ABCB7: variants seen among roughly 807,000 people sequenced by gnomAD.
ABCB7 encodes ATP binding cassette subfamily B member 7.
Under a neutral mutation model 54.4 loss-of-function variants are expected in ABCB7, and 7 were observed. The ratio of observed to expected loss-of-function variants is 0.13; its 90% CI spans 0.07 to 0.24. ABCB7 has a LOEUF of 0.24. ABCB7 is among the 10% of genes least tolerant of loss of function. ABCB7 has a pLI of 1.00. For synonymous variants in ABCB7, 218 were observed against 207.1 expected, an observed-to-expected ratio of 1.05 and a Z score of -0.45; for missense variants, 356 against 570.4, an observed-to-expected ratio of 0.62 and a Z score of 3.83.
chrX:75,076,405 CAACA>C (rs2081409237), intron 5 of ABCB7, 113 bp downstream of exon 5: 2 of 959,146 alleles, frequency 2.1e-6, no homozygotes, highest in Middle Eastern at 2.7e-4. Flanking sequence ...TCACATAAAA[CAACA>C]AACATCCAAA....
Position 75,060,406 on chromosome X carries a change from C to G in ABCB7, c.1936-76G>C, listed in dbSNP as rs145497613. 717 of 801,198 alleles carry G rather than the reference C, an allele frequency of 8.9e-4. 2 individuals are homozygous for G. The African/African-American group carries it at 0.013, about 15-fold the overall frequency. 66.0% of individuals were successfully genotyped at this position (801,198 alleles called of 1,213,427 possible). A position where few individuals can be genotyped will look rare whatever the true frequency, so the allele number is the denominator to read the frequency against. ...TTAGGCAAATGTAAATTAAAATAAT[C>G]ATACATTTCCTAAAGGAACATAAAA... On this transcript the variant is annotated intron_variant, in intron 14 of 15. Transcript: ENST00000373394.
In ABCB7 at chrX:75,114,832, C is replaced by A; in HGVS notation, c.169-1G>T. On this transcript the variant is annotated splice_acceptor_variant, in intron 1 of 15. Coordinates refer to ENST00000373394, the MANE Select transcript of ABCB7 (RefSeq NM_001271696.3). LOFTEE classifies it high-confidence loss of function. ...TGATACTTTTTAATGACTCTGGAAT[C>A]TGCTGACAAGGAAAAAAAGTAGGGG... The A allele has an allele frequency of 1.7e-6, 2 of 1,194,232 alleles. No homozygotes were observed. Among genetic ancestry groups the A allele is most frequent in the Non-Finnish European group, 1.1e-6 (1 of 883,492 alleles).
chrX:75,099,388 C>CA (rs1249038387), intron 3 of ABCB7, among the ~76,000 whole-genome samples: 1 of 110,846 alleles, frequency 9.0e-6, no homozygotes, highest in Non-Finnish European at 1.9e-5. Flanking sequence ...ACAGAAAATT[C>CA]AAAAAAAATT....
intron 1 of ABCB7, among the ~76,000 whole-genome samples, chrX:75,134,237 C>A (rs2081994096): frequency 9.0e-6 from 1 of 111,589 alleles, no homozygotes; most frequent in African/African-American, 3.3e-5. Context: ...CAAAGAAGGG[C>A]ATTACATAAT....
intron 1 of ABCB7, among the ~76,000 whole-genome samples, chrX:75,118,316 C>T (rs1346390008): frequency 9.0e-6 from 1 of 111,201 alleles, no homozygotes; most frequent in Non-Finnish European, 1.9e-5. Context: ...TTTCTCTGAG[C>T]ACCTGTGAAG....
At chrX:75,071,396 G>A (rs1268323050) in intron 9 of ABCB7, 113 bp downstream of exon 9, 29 of 870,695 alleles carry the variant, frequency 3.3e-5, no homozygotes, top group Non-Finnish European at 4.4e-5. Flanking sequence ...CTCCAAGGAT[G>A]TGAAAGCACT....
intron 15 of ABCB7, among the ~76,000 whole-genome samples, chrX:75,057,073 C>T (rs1276679317): frequency 9.0e-6 from 1 of 111,292 alleles, no homozygotes; most frequent in Non-Finnish European, 1.9e-5. Context: ...TTTCCCCATC[C>T]TTGTTGATTT....
At chrX:75,064,549 A>T (rs1202983900) in intron 13 of ABCB7, among the ~76,000 whole-genome samples, 2 of 111,510 alleles carry the variant, frequency 1.8e-5, no homozygotes, top group Non-Finnish European at 3.8e-5. Flanking sequence ...ATAAGCCTCA[A>T]AATATCCTTG....
chrX:75,112,921 C>T lies in ABCB7; in HGVS notation c.298G>A (p.Ala100Thr), dbSNP rs1268362706. 1.7e-6 allele frequency: 2 copies of T among 1,210,996 alleles called. No homozygotes were observed. The highest frequency in any genetic ancestry group is 4.4e-5 in the Admixed American group (2 of 45,977). ...IEKRTCWHGH[A>T]GGGLHTDPKE... ...GGGTCTGTGTGGAGTCCTCCTCCTGCATGACCATGCCAACATGTCCTCTTT... is the reference window on the plus strand; with the variant it reads ...GGGTCTGTGTGGAGTCCTCCTCCTGTATGACCATGCCAACATGTCCTCTTT... Residue 100 changes from alanine to threonine, a missense_variant, in exon 3 of 16, where the codon GCA becomes ACA. By Grantham distance (58) the Ala-to-Thr change is moderately conservative. Coordinates refer to ENST00000373394, the MANE Select transcript of ABCB7 (RefSeq NM_001271696.3).
chrX:75,122,360 G>T (rs1379443436), intron 1 of ABCB7, among the ~76,000 whole-genome samples: 3 of 107,702 alleles, frequency 2.8e-5, no homozygotes, highest in Admixed American at 1.0e-4. Flanking sequence ...AAAAGGGGAG[G>T]TGTGAATAAT....
At chrX:75,055,980 C>T (rs1319084778) in intron 15 of ABCB7, among the ~76,000 whole-genome samples, 1 of 110,652 alleles carries the variant, frequency 9.0e-6, no homozygotes, top group East Asian at 2.8e-4. Flanking sequence ...AGCCACCATG[C>T]CCAGCCCAAG....
intron 1 of ABCB7, among the ~76,000 whole-genome samples, chrX:75,125,349 A>AT (rs756066065): frequency 3.6e-5 from 4 of 112,044 alleles, no homozygotes; most frequent in Non-Finnish European, 7.5e-5. Context: ...AATGATATCT[A>AT]ATGAATTCCT....
At position 75,129,621 on chromosome X, in the gene ABCB7, A is replaced by T. The variant is rs5937954; in HGVS notation, c.169-14790T>A. On this transcript the variant is annotated intron_variant, in intron 1 of 15. Coordinates refer to ENST00000373394, the MANE Select transcript of ABCB7 (RefSeq NM_001271696.3). The stretch of plus-strand genomic sequence containing the variant: ...AAATATATATAATATATATATATAT[A>T]TTTTGACTACCTTCCCACCATCATC... 9.3e-3 allele frequency among the ~76,000 whole-genome samples: 995 copies of T among 106,999 alleles called. 13 individuals carry two copies. Among genetic ancestry groups the T allele is most frequent in the Non-Finnish European group, 0.016 (812 of 52,161 alleles). The allele number at this position is 106,999 out of a possible 115,157, so 92.9% of individuals were successfully genotyped here. A position where few individuals can be genotyped will look rare whatever the true frequency, so the allele number is the denominator to read the frequency against.
intron 8 of ABCB7, 145 bp downstream of exon 8, chrX:75,073,544 C>A: frequency 1.9e-6 from 1 of 513,741 alleles, no homozygotes; most frequent in Non-Finnish European, 3.4e-6. Context: ...TTTCTAAAGA[C>A]AAACAATAAA....
Position 75,068,995 on chromosome X carries a change from GT to G in ABCB7, c.1659+11del. 1 of 1,209,333 alleles carries G rather than the reference GT, an allele frequency of 8.3e-7. No homozygotes were observed. Among genetic ancestry groups the G allele is most frequent in the East Asian group, 3.0e-5 (1 of 33,782 alleles). On this transcript the variant is annotated intron_variant, in intron 12 of 15. Transcript: ENST00000373394. Reference sequence around the variant, plus strand: ...ATCCTCCAAAAATTTGTTTTTTTCTGTTTTTAAATACCTGAGGTACCACTCC... The same window carrying G: ...ATCCTCCAAAAATTTGTTTTTTTCTGTTTTAAATACCTGAGGTACCACTCC...
At chrX:75,138,390 T>C (rs766926455) in intron 1 of ABCB7, among the ~76,000 whole-genome samples, 1 of 112,410 alleles carries the variant, frequency 8.9e-6, no homozygotes, top group Non-Finnish European at 1.9e-5. Flanking sequence ...GGCAACTGTA[T>C]TGTTCAATCT....
intron 1 of ABCB7, among the ~76,000 whole-genome samples, chrX:75,154,126 T>C (rs1315264317): frequency 9.0e-6 from 1 of 111,255 alleles, no homozygotes; most frequent in Admixed American, 9.6e-5. Context: ...AAGAGTTCCA[T>C]GCCTTTAAGA....
At chrX:75,145,125 C>T (rs972833306) in intron 1 of ABCB7, among the ~76,000 whole-genome samples, 2 of 110,625 alleles carry the variant, frequency 1.8e-5, no homozygotes, top group Admixed American at 1.9e-4. Flanking sequence ...AAGCCCACGA[C>T]GAGACAGATT....
rs1276075054 is a variant in ABCB7 at position 75,051,963 on chromosome X, C to A, written c.*1407G>T. On this transcript the variant is annotated 3_prime_UTR_variant, in exon 16 of 16. Transcript: ENST00000373394. ...TTTCAGATTACTCCCAGTATAGCAA[C>A]TTTCAAATTACATAGGAGTTTGTAA... The A allele has an allele frequency of 8.9e-6, 1 of 112,031 alleles. No individual in the cohort carries two copies. The highest frequency in any genetic ancestry group is 1.9e-5 in the Non-Finnish European group (1 of 53,249). The allele number at this position is 112,031 out of a possible 1,213,427, so 9.2% of individuals were successfully genotyped here. A position where few individuals can be genotyped will look rare whatever the true frequency, so the allele number is the denominator to read the frequency against.
Sources: gnomAD v4.1 joint callset for allele counts (sites outside exome capture counted in the v4.1 genomes callset) on GRCh38, gnomAD v4.1.1 for gene constraint, MANE v1.5 for transcripts, NCBI Gene and HGNC (gene_info 2026-07-23, HGNC 2026-07-21) for gene names.